CNTN4: variants seen among roughly 807,000 people sequenced by gnomAD.
The protein encoded by CNTN4 is contactin-4.
In CNTN4, 77 loss-of-function variants were observed where a neutral mutation model predicts 122.5. The ratio of observed to expected loss-of-function variants is 0.63; its 90% CI spans 0.52 to 0.76. CNTN4 has a LOEUF of 0.76. Among genes scored for constraint, CNTN4 ranks in the 30% least tolerant of loss-of-function variants. The pLI, the probability that CNTN4 is intolerant of heterozygous loss-of-function variation, is 0.00. For missense variants in CNTN4, 1,256 were observed against 1,259.1 expected, an observed-to-expected ratio of 1.00 and a Z score of 0.04; for synonymous variants, 512 against 447.0, an observed-to-expected ratio of 1.15 and a Z score of -1.83.
intron 6 of CNTN4, among the ~76,000 whole-genome samples, chr3:2,781,256 C>G (rs931402023): frequency 4.6e-5 from 7 of 152,136 alleles, no homozygotes; most frequent in Admixed American, 3.9e-4. Context: ...TTCTTCATTC[C>G]TCCTTTTGAA....
chr3:2,385,091 T>C lies in CNTN4; in HGVS notation c.-89+45858T>C, dbSNP rs1480184787. Among the ~76,000 whole-genome samples the C allele has an allele frequency of 6.6e-6, 1 of 152,106 alleles. No homozygotes were observed. The highest frequency in any genetic ancestry group is 1.5e-5 in the Non-Finnish European group (1 of 68,024). ...CTGGTATTACCCAGAACAAATAAAT[T>C]ACATTGCTGATATCAGAGTGACCTG... On this transcript the variant is annotated intron_variant, in intron 3 of 24. Coordinates refer to ENST00000418658, the MANE Select transcript of CNTN4 (RefSeq NM_175607.3). The surrounding 1 kb of genome is among the most constrained non-coding windows in gnomAD (Gnocchi z 4.0).
chr3:3,039,209 T>C, intron 19 of CNTN4: 1 of 561,368 alleles, frequency 1.8e-6, no homozygotes, highest in Non-Finnish European at 3.2e-6. Context: ...TTTAATTCAA[T>C]CCATCACAGT....
At chr3:2,770,929 T>C (rs2091069014) in intron 6 of CNTN4, among the ~76,000 whole-genome samples, 1 of 152,216 alleles carries the variant, frequency 6.6e-6, no homozygotes. Flanking sequence ...GTTTTCCTCA[T>C]TTTTTGGTTT....
intron 7 of CNTN4, among the ~76,000 whole-genome samples, chr3:2,831,228 C>T (rs543660642): frequency 1.5e-4 from 23 of 152,162 alleles, no homozygotes; most frequent in African/African-American, 4.8e-4. Flanking sequence ...TATGTAATAT[C>T]AAAATACTGA....
At chr3:3,037,154 G>A (rs1430326765) in intron 17 of CNTN4, 25 bp from the exon 18 acceptor site, 2 of 1,613,710 alleles carry the variant, frequency 1.2e-6, no homozygotes, top group African/African-American at 2.7e-5. Context: ...CTATGAAACA[G>A]CCCCCACCTT....
chr3:2,529,038 A>C (rs1023213592), intron 3 of CNTN4, among the ~76,000 whole-genome samples: 1 of 152,096 alleles, frequency 6.6e-6, no homozygotes, highest in African/African-American at 2.4e-5. Context: ...GCTATGGAAC[A>C]GTACAACTGA....
At position 2,264,852 on chromosome 3, in the gene CNTN4, A is replaced by G. The variant is rs192011514; in HGVS notation, c.-144-74326A>G. On this transcript the variant is annotated intron_variant, in intron 2 of 24. Coordinates refer to ENST00000418658, the MANE Select transcript of CNTN4 (RefSeq NM_175607.3). ...TCCTGTATATAGTTTTCCCAACACT[A>G]TTTTTTAAATTTATTTTTCATTTCA... 5.3e-5 allele frequency among the ~76,000 whole-genome samples: 8 copies of G among 152,142 alleles called. 2 individuals carry two copies. Among genetic ancestry groups the G allele is most frequent in the African/African-American group, 1.9e-4 (8 of 41,528 alleles).
chr3:2,254,024 T>C (rs2040478058), intron 2 of CNTN4, among the ~76,000 whole-genome samples: 1 of 152,104 alleles, frequency 6.6e-6, no homozygotes, highest in Admixed American at 6.6e-5. Flanking sequence ...TTTCTCCTAA[T>C]GCTATCCCTC....
intron 4 of CNTN4, among the ~76,000 whole-genome samples, chr3:2,689,047 G>A (rs574359772): frequency 6.6e-6 from 1 of 152,246 alleles, no homozygotes; most frequent in East Asian, 1.9e-4. Flanking sequence ...CAGAGAGTTC[G>A]AAAGGTTGCA....
At chr3:2,386,534 T>C (rs966099788) in intron 3 of CNTN4, among the ~76,000 whole-genome samples, 34 of 152,356 alleles carry the variant, frequency 2.2e-4, no homozygotes, top group Admixed American at 2.2e-3. Context: ...AAATATTTGT[T>C]GGAAAAGATG....
chr3:2,422,277 T>G (rs916042217), intron 3 of CNTN4, among the ~76,000 whole-genome samples: 6 of 152,212 alleles, frequency 3.9e-5, no homozygotes, highest in African/African-American at 1.4e-4. Context: ...TCCTTCCCCC[T>G]CTTTCCAGAC....
chr3:2,280,707 A>G (rs1268601878), intron 2 of CNTN4, among the ~76,000 whole-genome samples: 1 of 152,190 alleles, frequency 6.6e-6, no homozygotes, highest in Non-Finnish European at 1.5e-5. Context: ...CCCAACTTGT[A>G]TTGCCTGCTT....
rs182771460 is a variant in CNTN4, at chr3:2,671,976, G to A, written c.56-64239G>A. Among the ~76,000 whole-genome samples the A allele has an allele frequency of 3.5e-4, 53 of 152,262 alleles. 1 individual carries two copies. The East Asian group carries it at 8.9e-3, about 26-fold the overall frequency. On this transcript the variant is annotated intron_variant, in intron 4 of 24. Transcript: ENST00000418658. ...TTGCTGCCTGATCCTTCCTTTGGAA[G>A]TTTTGTCTCAGAGGAGCACCGGCCA...
At chr3:2,460,765 C>G (rs2049175176) in intron 3 of CNTN4, among the ~76,000 whole-genome samples, 1 of 152,176 alleles carries the variant, frequency 6.6e-6, no homozygotes, top group Non-Finnish European at 1.5e-5. Context: ...TGAGGGGCAT[C>G]TCTACCAGAG....
chr3:2,828,577 C>T (rs767415232), intron 7 of CNTN4, among the ~76,000 whole-genome samples: 3 of 152,158 alleles, frequency 2.0e-5, no homozygotes, highest in East Asian at 3.8e-4. Context: ...TTCTATGAAA[C>T]ATGCATTCTG....
chr3:2,393,197 T>C (rs2046509393), intron 3 of CNTN4, among the ~76,000 whole-genome samples: 1 of 152,178 alleles, frequency 6.6e-6, no homozygotes. Context: ...TGAGTACATG[T>C]GTCTGTCTCC....
chr3:2,612,024 T>A (rs535497584), intron 4 of CNTN4, among the ~76,000 whole-genome samples: 160 of 150,130 alleles, frequency 1.1e-3, no homozygotes, highest in African/African-American at 3.0e-3. Flanking sequence ...GGTGGTAACA[T>A]TTTAATGGGT....
chr3:2,633,288 G>T (rs751056717), intron 4 of CNTN4, among the ~76,000 whole-genome samples: 2 of 152,104 alleles, frequency 1.3e-5, no homozygotes, highest in African/African-American at 2.4e-5. Context: ...CACTGCCCTT[G>T]CCTGCTAGCT....
At chr3:2,164,961 A>G (rs1388406695) in intron 2 of CNTN4, among the ~76,000 whole-genome samples, 1 of 152,182 alleles carries the variant, frequency 6.6e-6, no homozygotes, top group Non-Finnish European at 1.5e-5. Flanking sequence ...TCACAATATG[A>G]GAAGGGGTGC....
Sources: allele counts gnomAD v4.1 joint callset (sites outside exome capture counted in the v4.1 genomes callset), GRCh38; gene constraint gnomAD v4.1.1; non-coding constraint Gnocchi (gnomAD v3.1); transcripts MANE v1.5; gene names NCBI Gene and HGNC (gene_info 2026-07-23, HGNC 2026-07-21).